The following CAMSAP3 variants were observed in gnomAD, a reference collection of about 807,000 sequenced individuals.
The protein encoded by CAMSAP3 is calmodulin-regulated spectrin-associated protein 3.
CAMSAP3 carries 34 observed loss-of-function variants against 112.5 expected under a neutral mutation model. That is an observed-to-expected ratio of 0.30 (90% confidence interval 0.23 to 0.40). CAMSAP3 has a LOEUF of 0.40. CAMSAP3 is among the 10% of genes least tolerant of loss of function. The pLI is 1.00. For missense variants in CAMSAP3, 1,602 were observed against 1,770.3 expected (o/e 0.90, Z 1.71); for synonymous variants, 868 against 799.8 (o/e 1.09, Z -1.44).
intron 1 of CAMSAP3, 64 bp downstream of exon 1, chr19:7,596,214 G>GA (rs1469787852): frequency 6.6e-6 from 3 of 455,532 alleles, no homozygotes; most frequent in South Asian, 1.1e-4. Context: ...GCTGGGGGGG[G>GA]GCGGGGCGCC....
chr19:7,618,253 A>G lies in CAMSAP3; in HGVS notation c.*196A>G, dbSNP rs2146180152. ...GGTTCAGGGACTCAGGGCTCAGCTC[A>G]GTCCCCTTGTCTGTCCTCCCCCACT... On this transcript the variant is annotated 3_prime_UTR_variant, in exon 17 of 17. Coordinates refer to ENST00000160298, the MANE Select transcript of CAMSAP3 (RefSeq NM_020902.2). 1.7e-6 allele frequency: 1 copy of G among 601,732 alleles called. No individual in the cohort carries two copies. Among genetic ancestry groups the G allele is most frequent in the Non-Finnish European group, 2.9e-6 (1 of 343,702 alleles). The allele number at this position is 601,732 out of a possible 1,614,324, so 37.3% of individuals were successfully genotyped here.
chr19:7,611,800 G>GC lies in CAMSAP3; in HGVS notation c.1313dup (p.Arg439AlafsTer17). 1.9e-6 allele frequency: 3 copies of GC among 1,596,190 alleles called. No homozygotes were observed. Among genetic ancestry groups the GC allele is most frequent in the Non-Finnish European group, 2.6e-6 (3 of 1,172,064 alleles). On this transcript the variant is annotated frameshift_variant, in exon 11 of 17. Coordinates refer to ENST00000160298, the MANE Select transcript of CAMSAP3 (RefSeq NM_020902.2). LOFTEE classifies it high-confidence loss of function. This position sits in a 1 kb window ranked among gnomAD's most constrained non-coding sequence, Gnocchi z 6.9. The stretch of plus-strand genomic sequence containing the variant: ...CGCTCTGTGAGCTCGGACAGCCTGG[G>GC]CCCCCCGCGTCCCGCGCCGGCCAGG...
At chr19:7,606,134 T>TGG in intron 2 of CAMSAP3, 137 bp from the exon 3 acceptor site, 5 of 648,258 alleles carry the variant, frequency 7.7e-6, no homozygotes, top group Admixed American at 2.6e-5. Flanking sequence ...CATGAACCAC[T>TGG]GGCCCCGCCC....
At position 7,611,945 on chromosome 19, in the gene CAMSAP3, C is replaced by A. The variant is rs1260728380; in HGVS notation, c.1452C>A (p.Tyr484Ter). ...ATGGGGCGGCCGACGGCAGCTTCTA[C>A]CTCCACTCCCCTGAGGGGCCCTCCA... ...LPDGAADGSF[Y>*]LHSPEGPSKP... The change falls in exon 11 of 17, where the codon TAC becomes TAA. Residue 484 changes from tyrosine (Y) to a stop codon, truncating the protein, a stop_gained. Transcript: ENST00000160298. LOFTEE classifies it high-confidence loss of function. The surrounding 1 kb of genome is among the most constrained non-coding windows in gnomAD (Gnocchi z 6.9). 6.2e-7 allele frequency: 1 copy of A among 1,600,746 alleles called. No individual in the cohort carries two copies.
Position 7,606,331 on chromosome 19 carries a change from A to G in CAMSAP3, c.463A>G (p.Thr155Ala). Residue 155 changes from threonine (T) to alanine (A), a missense_variant, in exon 3 of 17, where the codon ACC (threonine) becomes GCC (alanine). Thr to Ala is a moderately conservative substitution (Grantham distance 58). Coordinates refer to ENST00000160298, the MANE Select transcript of CAMSAP3 (RefSeq NM_020902.2). ...MAAFAFEWTK[T>A]LPGPLALTSL... Reference sequence around the variant, plus strand: ...TGCCTTTGCCTTCGAGTGGACAAAGACCCTGCCAGGTCCCTTGGCCCTGAC... The same window carrying G: ...TGCCTTTGCCTTCGAGTGGACAAAGGCCCTGCCAGGTCCCTTGGCCCTGAC... The G allele has an allele frequency of 6.2e-7, 1 of 1,613,498 alleles. No homozygotes were observed. The highest frequency in any genetic ancestry group is 8.5e-7 in the Non-Finnish European group (1 of 1,179,922).
intron 5 of CAMSAP3, 60 bp downstream of exon 5, chr19:7,608,324 C>T (rs1209835801): frequency 1.1e-5 from 17 of 1,557,018 alleles, no homozygotes; most frequent in South Asian, 6.9e-5. Flanking sequence ...TAAGTCCCAG[C>T]CCCTAGACCC....
In CAMSAP3 at chr19:7,613,142, G is replaced by T; in HGVS notation, c.2649G>T (p.Val883=). Reference sequence around the variant, plus strand: ...CGTCTTCGGAGGGGGAGCCCCGGGTGGGGCTGGGGTTCTTCTACAAGGTGA... The same window carrying T: ...CGTCTTCGGAGGGGGAGCCCCGGGTTGGGCTGGGGTTCTTCTACAAGGTGA... ...EEASSEGEPR[V]GLGFFYKDED... Residue 883 remains valine (V), a synonymous_variant, in exon 11 of 17, where the codon GTG becomes GTT. Transcript: ENST00000160298. The T allele has an allele frequency of 6.5e-7, 1 of 1,539,544 alleles. No homozygotes were observed. The highest frequency in any genetic ancestry group is 1.2e-5 in the South Asian group (1 of 83,366).
intron 11 of CAMSAP3, among the ~76,000 whole-genome samples, chr19:7,614,153 A>C (rs1424845254): frequency 1.4e-5 from 2 of 147,992 alleles, no homozygotes; most frequent in Admixed American, 1.4e-4. Context: ...CCAGCTACTC[A>C]GGAGGCTGAG....
rs745491557 is a variant in CAMSAP3 at position 7,612,503 on chromosome 19, G to A, written c.2010G>A (p.Glu670=). The A allele has an allele frequency of 1.1e-5, 17 of 1,543,618 alleles. No homozygotes were observed. In the African/African-American group the frequency reaches 2.0e-4, roughly 19 times the overall value. Residue 670 remains glutamate, a synonymous_variant, in exon 11 of 17, where the codon GAG becomes GAA. Transcript: ENST00000160298. ...CTGGTGGGGAGCGGCCCGCAGGCGA[G>A]GGCCAGGGTGAGCCAACCTCACGGC... The part of the protein sequence containing the change: ...PVPGGERPAG[E]GQGEPTSRPK...
chr19:7,616,737 G>A (rs985678542), intron 14 of CAMSAP3, 115 bp downstream of exon 14: 57 of 726,812 alleles, frequency 7.8e-5, no homozygotes, highest in African/African-American at 4.4e-4. Context: ...TTATGGATAC[G>A]CCATGAAGAG....
intron 2 of CAMSAP3, 149 bp downstream of exon 2, chr19:7,605,628 A>G (rs1226574408): frequency 1.1e-6 from 1 of 950,624 alleles, no homozygotes; most frequent in East Asian, 3.2e-5. Context: ...TCCTCCCATC[A>G]GGCTTGGCTC....
In CAMSAP3 at chr19:7,608,214, C is replaced by T. The variant is rs1223754339; in HGVS notation, c.710C>T (p.Ala237Val). 6.2e-6 allele frequency: 10 copies of T among 1,612,686 alleles called. No homozygotes were observed. The highest frequency in any genetic ancestry group is 5.0e-5 in the Admixed American group (3 of 60,032). ...TSLQDLASGA[A>V]LAATIHCYCP... ...CTCCAGGACCTGGCCAGTGGGGCCG[C>T]GCTGGCCGCCACCATCCACTGCTAT... is the stretch of plus-strand genomic sequence containing the variant. Residue 237 changes from alanine (A) to valine (V), a missense_variant, in exon 5 of 17, where the codon GCG becomes GTG. Ala to Val is a moderately conservative substitution (Grantham distance 64, BLOSUM62 0). Around this residue, in one of 6 missense-constraint regions of CAMSAP3, gnomAD observed 58 missense variants for 108.4 expected, o/e 0.54. Coordinates refer to ENST00000160298, the MANE Select transcript of CAMSAP3 (RefSeq NM_020902.2).
At chr19:7,603,039 C>T (rs866449342) in intron 1 of CAMSAP3, among the ~76,000 whole-genome samples, 3 of 151,848 alleles carry the variant, frequency 2.0e-5, no homozygotes, top group African/African-American at 4.8e-5. Context: ...ATGCGGGTGG[C>T]GCGTTAAGTG....
rs369279481 is a variant in CAMSAP3 at position 7,615,980 on chromosome 19, A to G, written c.3112+261A>G. On this transcript the variant is annotated intron_variant, in intron 13 of 16. Coordinates refer to ENST00000160298, the MANE Select transcript of CAMSAP3 (RefSeq NM_020902.2). The surrounding 1 kb of genome is among the most constrained non-coding windows in gnomAD (Gnocchi z 6.5). ...TGAGGCGGGCGGATCACCTGAGGTCAGGAGTTTGAGACCAGCCTGGCCAAC... is the reference window on the plus strand; with the variant it reads ...TGAGGCGGGCGGATCACCTGAGGTCGGGAGTTTGAGACCAGCCTGGCCAAC... Among the ~76,000 whole-genome samples, 35 of 152,146 alleles carry G rather than the reference A, an allele frequency of 2.3e-4. No homozygotes were observed. In the East Asian group the frequency reaches 3.3e-3, roughly 14 times the overall value.
At chr19:7,614,338 T>G (rs540784831) in intron 11 of CAMSAP3, among the ~76,000 whole-genome samples, 20,247 of 123,412 alleles carry the variant, frequency 0.16, 1,869 homozygotes, top group Non-Finnish European at 0.23. Context: ...TTTTTTTTGT[T>G]TTGTTTTCTT....
At position 7,612,741 on chromosome 19, in the gene CAMSAP3, A is replaced by G. The variant is rs2030568280; in HGVS notation, c.2248A>G (p.Thr750Ala). 2 of 1,531,662 alleles carry G rather than the reference A, an allele frequency of 1.3e-6. No individual in the cohort carries two copies. Among genetic ancestry groups the G allele is most frequent in the African/African-American group, 1.4e-5 (1 of 72,580 alleles). The allele number at this position is 1,531,662 out of a possible 1,614,324, so 94.9% of individuals were successfully genotyped here. Residue 750 changes from threonine to alanine, a missense_variant, in exon 11 of 17, where the codon ACG (threonine) becomes GCG (alanine). This residue lies in a region of CAMSAP3 where 1,100 missense variants were observed against 1,135.7 expected (regional missense o/e 0.97). Transcript: ENST00000160298. ...PAAWVIPGPT[T>A]GPKAASPSPA... ...TGCGTGGGTCATCCCTGGCCCCACG[A>G]CGGGGCCCAAAGCTGCATCCCCCAG... is the stretch of plus-strand genomic sequence containing the variant.
rs767891691 is a variant in CAMSAP3, at chr19:7,606,515, G to A, written c.565G>A (p.Ala189Thr). The A allele has an allele frequency of 1.3e-6, 2 of 1,551,372 alleles. No homozygotes were observed. The highest frequency in any genetic ancestry group is 2.7e-5 in the African/African-American group (2 of 73,548). The change falls in exon 4 of 17, where the codon GCC (alanine) becomes ACC (threonine). Residue 189 changes from alanine (A) to threonine (T), a missense_variant. By Grantham distance (58) the Ala-to-Thr change is moderately conservative (BLOSUM62 0). This residue lies in a region of CAMSAP3 where 112 missense variants were observed against 94.2 expected (regional missense o/e 1.19). Coordinates refer to ENST00000160298, the MANE Select transcript of CAMSAP3 (RefSeq NM_020902.2). Reference sequence around the variant, plus strand: ...GCAGGAGAAGACCGAGCAGGAAGCGGCCCAGCGAGCCTCTCCAGCAGCCCC... The same window carrying A: ...GCAGGAGAAGACCGAGCAGGAAGCGACCCAGCGAGCCTCTCCAGCAGCCCC... ...RLQEKTEQEA[A>T]QRASPAAPAD...
rs2030415293 is a variant in CAMSAP3, at chr19:7,610,384, TTCCGTGTGTG to T, written c.761-91_761-82del. 1.4e-5 allele frequency: 17 copies of T among 1,203,780 alleles called. No homozygotes were observed. Among genetic ancestry groups the T allele is most frequent in the Non-Finnish European group, 2.0e-5 (17 of 857,358 alleles). The allele number at this position is 1,203,780 out of a possible 1,614,324, so 74.6% of individuals were successfully genotyped here. ...GCAGAAGCTGGGCTCATAGGAGGTC[TTCCGTGTGTG>T]GGGGACTGCTGGTCCCTGGCTTCCC... On this transcript the variant is annotated intron_variant, in intron 5 of 16. Transcript: ENST00000160298. This position sits in a 1 kb window ranked among gnomAD's most constrained non-coding sequence, Gnocchi z 4.9.
At position 7,611,958 on chromosome 19, in the gene CAMSAP3, G is replaced by C; in HGVS notation, c.1465G>C (p.Glu489Gln). 6.2e-7 allele frequency: 1 copy of C among 1,610,590 alleles called. No individual in the cohort carries two copies. The highest frequency in any genetic ancestry group is 8.5e-7 in the Non-Finnish European group (1 of 1,179,124). Residue 489 changes from glutamate to glutamine, a missense_variant, in exon 11 of 17, where the codon GAG becomes CAG. Glu to Gln is a conservative substitution (Grantham distance 29). Transcript: ENST00000160298. This position sits in a 1 kb window ranked among gnomAD's most constrained non-coding sequence, Gnocchi z 6.9. The part of the protein sequence containing the change: ...ADGSFYLHSP[E>Q]GPSKPSLASP... The stretch of plus-strand genomic sequence containing the variant: ...CGGCAGCTTCTACCTCCACTCCCCT[G>C]AGGGGCCCTCCAAGCCATCCCTGGC...
Sources: allele counts gnomAD v4.1 joint callset (sites outside exome capture counted in the v4.1 genomes callset), GRCh38; gene constraint gnomAD v4.1.1; regional missense constraint gnomAD v4.1.1; non-coding constraint Gnocchi (gnomAD v3.1); transcripts MANE v1.5; gene names NCBI Gene and HGNC (gene_info 2026-07-23, HGNC 2026-07-21).